Variants in RSPO2 observed in about 807,000 individuals in gnomAD.
The protein encoded by RSPO2 is R-spondin 2.
Under a neutral mutation model 30.9 loss-of-function variants are expected in RSPO2, and 14 were observed. The ratio of observed to expected loss-of-function variants is 0.45; its 90% CI spans 0.30 to 0.71. The LOEUF (loss-of-function observed/expected upper bound fraction) is 0.71, where lower values mean the gene tolerates loss of function less well. RSPO2 is among the 30% of genes least tolerant of loss of function. The probability of loss-of-function intolerance (pLI) is 0.08; values close to 1 mark genes in which losing one functional copy is unlikely to be tolerated. For synonymous variants in RSPO2, 107 were observed against 96.4 expected (o/e 1.11, Z -0.64); for missense variants, 264 against 301.9 (o/e 0.87, Z 0.93).
At chr8:107,932,981 A>G (rs1354957025) in intron 5 of RSPO2, among the ~76,000 whole-genome samples, 1 of 152,152 alleles carries the variant, frequency 6.6e-6, no homozygotes, top group Non-Finnish European at 1.5e-5. Context: ...TAGAGAAATT[A>G]GTATGCTTTT....
chr8:108,038,900 C>T (rs1291029902), intron 2 of RSPO2, among the ~76,000 whole-genome samples: 1 of 152,162 alleles, frequency 6.6e-6, no homozygotes, highest in Non-Finnish European at 1.5e-5. Context: ...ACTCACTTTA[C>T]TGTGGTGGTC....
At chr8:108,073,684 A>G (rs1812923211) in intron 2 of RSPO2, among the ~76,000 whole-genome samples, 1 of 152,236 alleles carries the variant, frequency 6.6e-6, no homozygotes, top group African/African-American at 2.4e-5. Context: ...CCTATACTGT[A>G]TATTTGTGTT....
chr8:107,901,091 T>C lies in RSPO2; in HGVS notation c.716A>G (p.Asp239Gly). ...QEQHSVFLAT[D>G]RANQ ...TCTCTTGTTTTATTGGTTAGCTCTG[T>C]CTGTAGCTAGGAAGACGCTGTGTTG... is the stretch of plus-strand genomic sequence containing the variant. The change falls in exon 6 of 6, where the codon GAC (aspartate) becomes GGC (glycine). Residue 239 changes from aspartate (D) to glycine (G), a missense_variant. Asp to Gly is a moderately conservative substitution (Grantham distance 94). Transcript: ENST00000276659. 1.2e-6 allele frequency: 2 copies of C among 1,613,930 alleles called. No homozygotes were observed. Among genetic ancestry groups the C allele is most frequent in the Non-Finnish European group, 1.7e-6 (2 of 1,179,976 alleles).
chr8:107,983,112 G>C (rs1046205512), intron 3 of RSPO2: 2 of 1,425,124 alleles, frequency 1.4e-6, no homozygotes, highest in South Asian at 2.7e-5. Flanking sequence ...CTTACCCCAG[G>C]GTCTATGGAA....
At position 108,021,989 on chromosome 8, in the gene RSPO2, GGA is replaced by G. The variant is rs553090881; in HGVS notation, c.95-32747_95-32746del. Reference sequence around the variant, plus strand: ...GCTTCATCACTTCTATCATCAAAAAGGAGAGAGGAACTGCCATCCATGATGAC... The same window carrying G: ...GCTTCATCACTTCTATCATCAAAAAGGAGAGGAACTGCCATCCATGATGAC... On this transcript the variant is annotated intron_variant, in intron 2 of 5. Transcript: ENST00000276659. Among the ~76,000 whole-genome samples, 4 of 152,108 alleles carry G rather than the reference GGA, an allele frequency of 2.6e-5. No individual in the cohort carries two copies. In the East Asian group the frequency reaches 7.7e-4, roughly 29 times the overall value.
chr8:108,075,660 G>A (rs146448612), intron 2 of RSPO2, among the ~76,000 whole-genome samples: 44 of 147,968 alleles, frequency 3.0e-4, no homozygotes, highest in Non-Finnish European at 8.9e-5. Context: ...GTACTGGGCT[G>A]GGAATGCTTT....
At chr8:108,010,681 A>C (rs1218963991) in intron 2 of RSPO2, among the ~76,000 whole-genome samples, 1 of 152,138 alleles carries the variant, frequency 6.6e-6, no homozygotes, top group Non-Finnish European at 1.5e-5. Flanking sequence ...AGTGAAGATC[A>C]GTAAGGTCAG....
Position 108,069,576 on chromosome 8 carries a change from C to T in RSPO2, c.94+12969G>A, listed in dbSNP as rs76052375. On this transcript the variant is annotated intron_variant, in intron 2 of 5. Transcript: ENST00000276659. Reference sequence around the variant, plus strand: ...ATTAAGATTTCATTTGTAAATTCATCCTGTCATTCCTAGCCATTGAGATCT... The same window carrying T: ...ATTAAGATTTCATTTGTAAATTCATTCTGTCATTCCTAGCCATTGAGATCT... Among the ~76,000 whole-genome samples, 268 of 152,302 alleles carry T rather than the reference C, an allele frequency of 1.8e-3. 10 individuals carry two copies. In the South Asian group the frequency reaches 0.047, roughly 27 times the overall value.
chr8:107,953,086 T>C (rs634897), intron 5 of RSPO2, among the ~76,000 whole-genome samples: 81,476 of 151,982 alleles, frequency 0.54, 23,945 homozygotes, highest in East Asian at 0.7. Context: ...GCTATCCCAG[T>C]ATATGACAAA....
At chr8:107,957,698 T>C (rs561403667) in intron 5 of RSPO2, among the ~76,000 whole-genome samples, 148 of 152,312 alleles carry the variant, frequency 9.7e-4, no homozygotes, top group African/African-American at 3.3e-3. Flanking sequence ...ACCTTTCTAA[T>C]CTAAACTCTT....
chr8:107,932,973 G>A (rs1300882406), intron 5 of RSPO2, among the ~76,000 whole-genome samples: 2 of 152,158 alleles, frequency 1.3e-5, no homozygotes, highest in East Asian at 3.9e-4. Context: ...CAAGAAGATA[G>A]AGAAATTAGT....
chr8:107,907,014 C>T (rs1272223643), intron 5 of RSPO2, among the ~76,000 whole-genome samples: 1 of 151,360 alleles, frequency 6.6e-6, no homozygotes, highest in South Asian at 2.1e-4. Context: ...ATACATTTTA[C>T]TTATGTATTA....
At chr8:108,079,157 G>A (rs1813107861) in intron 2 of RSPO2, among the ~76,000 whole-genome samples, 1 of 152,102 alleles carries the variant, frequency 6.6e-6, no homozygotes, top group South Asian at 2.1e-4. Context: ...GGGGAGTCAG[G>A]GAGACAAATC....
In RSPO2 at chr8:108,024,146, C is replaced by G. The variant is rs1265340784; in HGVS notation, c.95-34902G>C. On this transcript the variant is annotated intron_variant, in intron 2 of 5. Transcript: ENST00000276659. ...GGGTACTTACAAAGAAATAAAAAAA[C>G]AAGTGACATATATATAACTCCAATT... is the stretch of plus-strand genomic sequence containing the variant. 5.2e-5 allele frequency among the ~76,000 whole-genome samples: 3 copies of G among 57,644 alleles called. No homozygotes were observed. In the African/African-American group the frequency reaches 7.0e-4, roughly 13 times the overall value. 37.8% of individuals were successfully genotyped at this position (57,644 alleles called of 152,430 possible). A position where few individuals can be genotyped will look rare whatever the true frequency, so the allele number is the denominator to read the frequency against.
chr8:108,063,857 C>A lies in RSPO2; in HGVS notation c.94+18688G>T, dbSNP rs557028303. On this transcript the variant is annotated intron_variant, in intron 2 of 5. Transcript: ENST00000276659. ...TATAGACCAATGGAACAGAACAGAG[C>A]CCTCAGAAATAATGCCACACATCTG... Among the ~76,000 whole-genome samples, 316 of 152,134 alleles carry A rather than the reference C, an allele frequency of 2.1e-3. 1 individual carries two copies. Among genetic ancestry groups the A allele is most frequent in the African/African-American group, 7.1e-3 (295 of 41,510 alleles).
Position 108,060,551 on chromosome 8 carries a change from C to T in RSPO2, c.94+21994G>A, listed in dbSNP as rs141564088. Among the ~76,000 whole-genome samples, 610 of 151,860 alleles carry T rather than the reference C, an allele frequency of 4.0e-3. 19 individuals are homozygous for T. Among genetic ancestry groups the T allele is most frequent in the African/African-American group, 0.013 (548 of 41,190 alleles). On this transcript the variant is annotated intron_variant, in intron 2 of 5. Transcript: ENST00000276659. ...GGACTATGTGAAAAGACCAAATCTA[C>T]GTCCGATTGGTGTACCTGAAAGTGA...
rs140852243 is a variant in RSPO2 at position 108,027,649 on chromosome 8, T to G, written c.95-38405A>C. On this transcript the variant is annotated intron_variant, in intron 2 of 5. Coordinates refer to ENST00000276659, the MANE Select transcript of RSPO2 (RefSeq NM_178565.5). ...ATCCATTAGAATGAACATACTAGGATAGTTTTGGGGATTGAATTCTAAATA... is the reference window on the plus strand; with the variant it reads ...ATCCATTAGAATGAACATACTAGGAGAGTTTTGGGGATTGAATTCTAAATA... 1.3e-3 allele frequency among the ~76,000 whole-genome samples: 193 copies of G among 152,284 alleles called. 3 individuals are homozygous for G. The East Asian group carries it at 0.032, about 25-fold the overall frequency.
At chr8:108,052,729 T>G (rs2443774) in intron 2 of RSPO2, among the ~76,000 whole-genome samples, 1 of 151,942 alleles carries the variant, frequency 6.6e-6, no homozygotes, top group African/African-American at 2.4e-5. Context: ...ACTACTATTA[T>G]TCCCATTTTA....
At chr8:107,917,371 G>C (rs1298442895) in intron 5 of RSPO2, among the ~76,000 whole-genome samples, 1 of 152,080 alleles carries the variant, frequency 6.6e-6, no homozygotes, top group Non-Finnish European at 1.5e-5. Context: ...TGTAATCCCA[G>C]CTACTTGGGA....
Sources: gnomAD v4.1 joint callset for allele counts (sites outside exome capture counted in the v4.1 genomes callset) on GRCh38, gnomAD v4.1.1 for gene constraint, MANE v1.5 for transcripts, NCBI Gene and HGNC (gene_info 2026-07-23, HGNC 2026-07-21) for gene names.